The following WWOX variants were observed in gnomAD, a reference collection of about 807,000 sequenced individuals.
WWOX encodes WW domain-containing oxidoreductase.
A neutral mutation model predicts 46.2 loss-of-function variants in WWOX; 69 were observed. That is an observed-to-expected ratio of 1.49 (90% CI 1.23 to 1.82). The LOEUF (loss-of-function observed/expected upper bound fraction) is 1.82. Among genes scored for constraint, WWOX ranks in the 40% most tolerant of loss-of-function variants. WWOX has a pLI of 0.00. For synonymous variants in WWOX, 359 were observed against 202.6 expected, an observed-to-expected ratio of 1.77 and a Z score of -6.56; for missense variants, 919 against 542.6, an observed-to-expected ratio of 1.69 and a Z score of -6.89.
intron 4 of WWOX, among the ~76,000 whole-genome samples, chr16:78,148,847 G>A (rs1226622127): frequency 3.1e-5 from 4 of 127,226 alleles, no homozygotes; most frequent in South Asian, 5.1e-4. Flanking sequence ...GCAGTGAGCC[G>A]AGATTGCGCC....
At chr16:78,992,836 T>C (rs957964732) in intron 8 of WWOX, among the ~76,000 whole-genome samples, 2 of 152,064 alleles carry the variant, frequency 1.3e-5, no homozygotes, top group African/African-American at 2.4e-5. Flanking sequence ...AAGTTGGCTT[T>C]CTCCCCAAAC....
At chr16:79,093,599 A>G (rs2049008580) in intron 8 of WWOX, among the ~76,000 whole-genome samples, 1 of 152,168 alleles carries the variant, frequency 6.6e-6, no homozygotes, top group African/African-American at 2.4e-5. Context: ...GCAGGCCTCC[A>G]GTGCCCGGTG....
rs147579919 is a variant in WWOX, at chr16:78,466,003, A to G, written c.1056+33251A>G. On this transcript the variant is annotated intron_variant, in intron 8 of 8. Transcript: ENST00000566780. ...GGCGGGGAGTATGGAAAGCCTGTTAATGAGTACAAGTTTCTTTAGTTTTTT... is the reference window on the plus strand; with the variant it reads ...GGCGGGGAGTATGGAAAGCCTGTTAGTGAGTACAAGTTTCTTTAGTTTTTT... Among the ~76,000 whole-genome samples, 572 of 151,594 alleles carry G rather than the reference A, an allele frequency of 3.8e-3. 3 individuals carry two copies. Among genetic ancestry groups the G allele is most frequent in the South Asian group, 0.013 (63 of 4,776 alleles).
chr16:78,478,029 A>G (rs1433006167), intron 8 of WWOX, among the ~76,000 whole-genome samples: 1 of 152,218 alleles, frequency 6.6e-6, no homozygotes, highest in East Asian at 1.9e-4. Context: ...TTTAAAAGCA[A>G]TAAAATCCCC....
rs528140653 is a variant in WWOX at position 79,112,943 on chromosome 16, T to C, written c.1057-98665T>C. ...ACAGCTGAAAACCACTTTTGCTCTC[T>C]GCTGGCATAGATGGCTGTGCTTTGG... On this transcript the variant is annotated intron_variant, in intron 8 of 8. Transcript: ENST00000566780. Among the ~76,000 whole-genome samples the C allele has an allele frequency of 5.3e-5, 8 of 152,346 alleles. No homozygotes were observed. In the East Asian group the frequency reaches 1.5e-3, roughly 29 times the overall value.
At position 78,414,946 on chromosome 16, in the gene WWOX, AAAATT is replaced by A. The variant is rs1421503166; in HGVS notation, c.606-9920_606-9916del. On this transcript the variant is annotated intron_variant, in intron 6 of 8. Coordinates refer to ENST00000566780, the MANE Select transcript of WWOX (RefSeq NM_016373.4). ...AAGAAAGAATTTGGGGTGAGTCTAT[AAAATT>A]AAAGTAACTTTATAAAGAAAGTAAA... Among the ~76,000 whole-genome samples the A allele has an allele frequency of 9.9e-5, 15 of 152,250 alleles. No homozygotes were observed. The East Asian group carries it at 2.5e-3, about 25-fold the overall frequency.
At chr16:78,865,507 A>G (rs541718722) in intron 8 of WWOX, among the ~76,000 whole-genome samples, 22 of 152,174 alleles carry the variant, frequency 1.4e-4, no homozygotes, top group Admixed American at 7.9e-4. Context: ...CCTTTGCCAC[A>G]AAATAGCAAT....
intron 8 of WWOX, among the ~76,000 whole-genome samples, chr16:78,728,931 G>C (rs2048898276): frequency 6.6e-6 from 1 of 152,162 alleles, no homozygotes; most frequent in African/African-American, 2.4e-5. Context: ...CAACGGTGTG[G>C]AGAGATAGAG....
chr16:78,536,701 G>C (rs887934669), intron 8 of WWOX, among the ~76,000 whole-genome samples: 3 of 152,056 alleles, frequency 2.0e-5, no homozygotes, highest in Non-Finnish European at 2.9e-5. Flanking sequence ...CTCTGATGCT[G>C]ATCATGACTA....
At chr16:79,046,976 TA>T (rs1274662308) in intron 8 of WWOX, among the ~76,000 whole-genome samples, 1 of 152,228 alleles carries the variant, frequency 6.6e-6, no homozygotes, top group East Asian at 1.9e-4. Flanking sequence ...CAGCCTGAGC[TA>T]CCTGACCCCG....
intron 8 of WWOX, among the ~76,000 whole-genome samples, chr16:79,051,412 C>T (rs531337418): frequency 2.6e-5 from 4 of 152,290 alleles, no homozygotes; most frequent in African/African-American, 7.2e-5. Flanking sequence ...ATTCAGGAAC[C>T]CAGGCTCCTT....
chr16:78,580,840 C>T (rs916066369), intron 8 of WWOX, among the ~76,000 whole-genome samples: 9 of 152,168 alleles, frequency 5.9e-5, no homozygotes, highest in African/African-American at 1.7e-4. Flanking sequence ...AACACCTATG[C>T]CTCTTTCACC....
chr16:79,120,813 G>A (rs554992151), intron 8 of WWOX, among the ~76,000 whole-genome samples: 11 of 152,252 alleles, frequency 7.2e-5, no homozygotes, highest in African/African-American at 2.2e-4. Context: ...CTGTTGCCCC[G>A]GCTGGAGTGC....
chr16:78,630,758 C>T (rs1351552774), intron 8 of WWOX, among the ~76,000 whole-genome samples: 1 of 152,256 alleles, frequency 6.6e-6, no homozygotes, highest in African/African-American at 2.4e-5. Flanking sequence ...ACCACCAAAC[C>T]TGGGTTGGCG....
chr16:79,194,891 T>C (rs1229114363), intron 8 of WWOX, among the ~76,000 whole-genome samples: 1 of 152,054 alleles, frequency 6.6e-6, no homozygotes, highest in Non-Finnish European at 1.5e-5. Context: ...TTTTCCCCCA[T>C]GCCATACTCC....
At chr16:78,460,830 T>C (rs992282251) in intron 8 of WWOX, among the ~76,000 whole-genome samples, 2 of 152,272 alleles carry the variant, frequency 1.3e-5, no homozygotes, top group African/African-American at 4.8e-5. Context: ...GTTGAGTTTT[T>C]AGTTTGCTCT....
intron 8 of WWOX, among the ~76,000 whole-genome samples, chr16:79,154,833 C>T (rs2050349733): frequency 6.6e-6 from 1 of 152,180 alleles, no homozygotes; most frequent in Non-Finnish European, 1.5e-5. Flanking sequence ...CCTATTACAC[C>T]TGTGCTTTTA....
rs1419573695 is a variant in WWOX at position 78,343,015 on chromosome 16, TA to T, written c.517-43844del. Among the ~76,000 whole-genome samples the T allele has an allele frequency of 1.6e-4, 19 of 121,454 alleles. 6 individuals carry two copies. The highest frequency in any genetic ancestry group is 2.8e-4 in the Non-Finnish European group (14 of 50,698). The allele number at this position is 121,454 out of a possible 152,430, so 79.7% of individuals were successfully genotyped here. On this transcript the variant is annotated intron_variant, in intron 5 of 8. Transcript: ENST00000566780. Reference sequence around the variant, plus strand: ...TAAAAAAACTGCTCAGCACACCTTGTATTTGTATTTCCTTTGACGTGAACCA... The same window carrying T: ...TAAAAAAACTGCTCAGCACACCTTGTTTTGTATTTCCTTTGACGTGAACCA...
chr16:78,237,148 C>T (rs981567268), intron 5 of WWOX, among the ~76,000 whole-genome samples: 1 of 150,796 alleles, frequency 6.6e-6, no homozygotes, highest in East Asian at 2.0e-4. Flanking sequence ...TCAGAGGCTG[C>T]AGGAATGATT....
Sources: gnomAD v4.1 joint callset for allele counts (sites outside exome capture counted in the v4.1 genomes callset) on GRCh38, gnomAD v4.1.1 for gene constraint, MANE v1.5 for transcripts, NCBI Gene and HGNC (gene_info 2026-07-23, HGNC 2026-07-21) for gene names.